Variants in CDH13 observed in about 807,000 individuals in gnomAD.
CDH13 encodes the protein cadherin 13.
CDH13 carries 24 observed loss-of-function variants against 63.8 expected under a neutral mutation model. That is an observed-to-expected ratio of 0.38 (90% CI 0.27 to 0.53). CDH13 has a LOEUF of 0.53. CDH13 is among the 20% of genes least tolerant of loss of function. The probability of loss-of-function intolerance (pLI) is 0.85; values close to 1 mark genes in which losing one functional copy is unlikely to be tolerated. For synonymous variants in CDH13, 503 were observed against 355.3 expected, an observed-to-expected ratio of 1.42 and a Z score of -4.67; for missense variants, 1,049 against 903.1, an observed-to-expected ratio of 1.16 and a Z score of -2.07.
chr16:82,647,171 G>A (rs35184997), intron 1 of CDH13, among the ~76,000 whole-genome samples: 34,125 of 152,034 alleles, frequency 0.22, 5,311 homozygotes, highest in African/African-American at 0.44. Context: ...ATGAAATGTC[G>A]GCAGTGAAAC....
chr16:83,279,435 A>G (rs1415365406), intron 5 of CDH13, among the ~76,000 whole-genome samples: 1 of 152,222 alleles, frequency 6.6e-6, no homozygotes, highest in Non-Finnish European at 1.5e-5. Flanking sequence ...CCCATAGCAC[A>G]ATAGCTGCAA....
At chr16:82,775,920 C>T (rs1431729762) in intron 1 of CDH13, among the ~76,000 whole-genome samples, 1 of 152,100 alleles carries the variant, frequency 6.6e-6, no homozygotes, top group African/African-American at 2.4e-5. Flanking sequence ...TAAGAAAGGG[C>T]ACTATCAGGC....
chr16:83,290,959 C>G (rs574462273), intron 5 of CDH13, among the ~76,000 whole-genome samples: 1 of 152,174 alleles, frequency 6.6e-6, no homozygotes, highest in South Asian at 2.1e-4. Flanking sequence ...CGTGAGGAGC[C>G]TCCTTCCACT....
At chr16:83,540,117 T>C (rs1303211235) in intron 7 of CDH13, among the ~76,000 whole-genome samples, 1 of 149,930 alleles carries the variant, frequency 6.7e-6, no homozygotes, top group Non-Finnish European at 1.5e-5. Context: ...CAGGCTGGAG[T>C]TCAGTGGATC....
chr16:82,931,795 C>T (rs1465796210), intron 2 of CDH13, among the ~76,000 whole-genome samples: 3 of 152,096 alleles, frequency 2.0e-5, no homozygotes, highest in Non-Finnish European at 2.9e-5. Flanking sequence ...ACCAAGAGAA[C>T]AGTATGGAGG....
At chr16:83,353,720 G>T (rs1440284330) in intron 6 of CDH13, among the ~76,000 whole-genome samples, 6 of 152,140 alleles carry the variant, frequency 3.9e-5, no homozygotes, top group African/African-American at 7.2e-5. Context: ...CTTATTCCTG[G>T]ACTAGCCTAT....
chr16:82,753,575 C>A (rs1470968985), intron 1 of CDH13, among the ~76,000 whole-genome samples: 1 of 152,106 alleles, frequency 6.6e-6, no homozygotes, highest in Non-Finnish European at 1.5e-5. Flanking sequence ...CAAAACAATT[C>A]TCCATCAAAA....
intron 3 of CDH13, among the ~76,000 whole-genome samples, chr16:83,080,880 T>TTTTTTTG (rs2033195995): frequency 9.8e-5 from 11 of 112,548 alleles, no homozygotes; most frequent in African/African-American, 4.0e-4. Context: ...TGTTTTTTTT[T>TTTTTTTG]TTTTTTTTTT....
rs1382559901 is a variant in CDH13, at chr16:83,346,177, T to C, written c.781+1171T>C. On this transcript the variant is annotated intron_variant, in intron 6 of 13. Coordinates refer to ENST00000567109, the MANE Select transcript of CDH13 (RefSeq NM_001257.5). ...AATGCACTGCGTGTGTGCTGGAGGGTGTTTAGGGGAGTGTTGGAGGCAGAT... is the reference window on the plus strand; with the variant it reads ...AATGCACTGCGTGTGTGCTGGAGGGCGTTTAGGGGAGTGTTGGAGGCAGAT... Among the ~76,000 whole-genome samples the C allele has an allele frequency of 2.6e-5, 4 of 151,388 alleles. No individual in the cohort carries two copies. The South Asian group carries it at 6.3e-4, about 24-fold the overall frequency.
chr16:82,643,293 A>G (rs1254098925), intron 1 of CDH13, among the ~76,000 whole-genome samples: 1 of 152,248 alleles, frequency 6.6e-6, no homozygotes, highest in Non-Finnish European at 1.5e-5. Flanking sequence ...CTGTTTGTTC[A>G]TGAGCACACA....
chr16:83,769,781 G>C (rs923734709), intron 11 of CDH13, among the ~76,000 whole-genome samples: 3 of 152,176 alleles, frequency 2.0e-5, no homozygotes, highest in Non-Finnish European at 4.4e-5. Flanking sequence ...AGATCACTGG[G>C]GCACGTAGAT....
chr16:83,525,076 C>T lies in CDH13; in HGVS notation c.960+38421C>T, dbSNP rs188708452. Among the ~76,000 whole-genome samples the T allele has an allele frequency of 6.5e-4, 99 of 152,286 alleles. 1 individual carries two copies. Among genetic ancestry groups the T allele is most frequent in the African/African-American group, 2.2e-3 (90 of 41,556 alleles). ...GTCTGATGCACACAGTGGAATCAAA[C>T]GGCAATTTACTTGTAATGAAAACCT... On this transcript the variant is annotated intron_variant, in intron 7 of 13. Coordinates refer to ENST00000567109, the MANE Select transcript of CDH13 (RefSeq NM_001257.5).
At position 82,994,400 on chromosome 16, in the gene CDH13, C is replaced by G. The variant is rs563249502; in HGVS notation, c.158-37610C>G. 6.6e-5 allele frequency among the ~76,000 whole-genome samples: 10 copies of G among 152,226 alleles called. No individual in the cohort carries two copies. In the South Asian group the frequency reaches 2.1e-3, roughly 32 times the overall value. ...GCCTCAGCGGGGTGCCTGAGACCCC[C>G]TACCTTTAGGGAGGGGCAGGGATTT... On this transcript the variant is annotated intron_variant, in intron 2 of 13. Coordinates refer to ENST00000567109, the MANE Select transcript of CDH13 (RefSeq NM_001257.5).
At chr16:82,853,108 T>C (rs2151156702) in intron 1 of CDH13, among the ~76,000 whole-genome samples, 1 of 152,350 alleles carries the variant, frequency 6.6e-6, no homozygotes, top group East Asian at 1.9e-4. Context: ...TAGTGGCTCT[T>C]GCATGGAAGA....
intron 7 of CDH13, among the ~76,000 whole-genome samples, chr16:83,558,486 T>C (rs886248980): frequency 2.0e-5 from 3 of 152,202 alleles, no homozygotes; most frequent in East Asian, 3.8e-4. Flanking sequence ...GCATGAATAA[T>C]GTATGTATAA....
intron 6 of CDH13, among the ~76,000 whole-genome samples, chr16:83,457,043 G>T (rs1239030014): frequency 1.3e-5 from 2 of 152,154 alleles, no homozygotes; most frequent in Non-Finnish European, 2.9e-5. Context: ...GTTACTAGGG[G>T]TCTGATATGG....
intron 2 of CDH13, among the ~76,000 whole-genome samples, chr16:82,931,419 T>A (rs779907168): frequency 1.3e-5 from 2 of 152,214 alleles, no homozygotes; most frequent in Admixed American, 6.5e-5. Flanking sequence ...TTCAAAATGC[T>A]TCAGCCATTC....
chr16:83,504,409 A>G (rs900395630), intron 7 of CDH13, among the ~76,000 whole-genome samples: 2 of 152,204 alleles, frequency 1.3e-5, no homozygotes, highest in African/African-American at 4.8e-5. Flanking sequence ...CAACTTTCCT[A>G]TGAAAGAGAG....
At chr16:82,830,184 T>C (rs747146324) in intron 1 of CDH13, among the ~76,000 whole-genome samples, 1 of 152,206 alleles carries the variant, frequency 6.6e-6, no homozygotes, top group Non-Finnish European at 1.5e-5. Flanking sequence ...GTGAAACTTA[T>C]AATAAAAGCC....
Sources: allele counts gnomAD v4.1 joint callset (sites outside exome capture counted in the v4.1 genomes callset), GRCh38; gene constraint gnomAD v4.1.1; transcripts MANE v1.5; gene names NCBI Gene and HGNC (gene_info 2026-07-23, HGNC 2026-07-21).